The following KIF16B variants were observed in gnomAD, a reference collection of about 807,000 sequenced individuals.
The protein encoded by KIF16B is kinesin family member 16B.
KIF16B carries 98 observed loss-of-function variants against 156.3 expected under a neutral mutation model. That is an observed-to-expected ratio of 0.63 (90% CI 0.53 to 0.74). KIF16B has a LOEUF of 0.74. KIF16B is among the 30% of genes least tolerant of loss of function. KIF16B has a pLI of 0.00. For missense variants in KIF16B, 1,421 were observed against 1,606.5 expected (o/e 0.88, Z 1.97); for synonymous variants, 564 against 583.7 (o/e 0.97, Z 0.49).
At chr20:16,491,516 T>A (rs965585188) in intron 12 of KIF16B, among the ~76,000 whole-genome samples, 1 of 152,216 alleles carries the variant, frequency 6.6e-6, no homozygotes, top group African/African-American at 2.4e-5. Flanking sequence ...TACTGTCAAC[T>A]ACTTTCAAAA....
chr20:16,410,771 G>A (rs2065933456), intron 15 of KIF16B, among the ~76,000 whole-genome samples: 1 of 152,080 alleles, frequency 6.6e-6, no homozygotes, highest in African/African-American at 2.4e-5. Flanking sequence ...TAATGAACAA[G>A]TAGGAAATTC....
chr20:16,423,429 A>G (rs976026417), intron 15 of KIF16B, among the ~76,000 whole-genome samples: 9 of 152,142 alleles, frequency 5.9e-5, no homozygotes, highest in Non-Finnish European at 1.2e-4. Flanking sequence ...CAAATATGAG[A>G]AAGCACTTAC....
chr20:16,381,162 C>T (rs565054694), intron 18 of KIF16B, among the ~76,000 whole-genome samples: 1 of 152,228 alleles, frequency 6.6e-6, no homozygotes, highest in Admixed American at 6.5e-5. Flanking sequence ...TAAAGAACTG[C>T]CCAAATCAAT....
At chr20:16,305,264 A>G (rs2063525373) in intron 25 of KIF16B, among the ~76,000 whole-genome samples, 1 of 152,168 alleles carries the variant, frequency 6.6e-6, no homozygotes, top group African/African-American at 2.4e-5. Context: ...TGTGACCATG[A>G]AGGATCAAGC....
intron 1 of KIF16B, among the ~76,000 whole-genome samples, chr20:16,531,950 C>T (rs2069768372): frequency 6.6e-6 from 1 of 151,884 alleles, no homozygotes; most frequent in African/African-American, 2.4e-5. Flanking sequence ...CACCTGTAAT[C>T]CCAGTTACTT....
At chr20:16,569,384 G>C (rs990235894) in intron 1 of KIF16B, among the ~76,000 whole-genome samples, 1 of 152,200 alleles carries the variant, frequency 6.6e-6, no homozygotes, top group Non-Finnish European at 1.5e-5. Context: ...CTGGCACAGA[G>C]TCAAGTCTCA....
Position 16,506,006 on chromosome 20 carries a change from C to G in KIF16B, c.868+16G>C. Reference sequence around the variant, plus strand: ...GAGGAGGAAACAGAGGAGGCAGGAGCCAGGCGTAAGCATACCTAAGGCAGA... The same window carrying G: ...GAGGAGGAAACAGAGGAGGCAGGAGGCAGGCGTAAGCATACCTAAGGCAGA... On this transcript the variant is annotated intron_variant, in intron 8 of 25. Coordinates refer to ENST00000354981, the MANE Select transcript of KIF16B (RefSeq NM_024704.5). 6.2e-7 allele frequency: 1 copy of G among 1,613,526 alleles called. No homozygotes were observed. The highest frequency in any genetic ancestry group is 8.5e-7 in the Non-Finnish European group (1 of 1,179,522).
At chr20:16,407,511 C>T (rs1168108421) in intron 15 of KIF16B, among the ~76,000 whole-genome samples, 1 of 152,126 alleles carries the variant, frequency 6.6e-6, no homozygotes, top group Non-Finnish European at 1.5e-5. Context: ...GGACAGGCTT[C>T]TGCACCAAGG....
At chr20:16,531,645 G>A (rs573955553) in intron 1 of KIF16B, among the ~76,000 whole-genome samples, 9 of 152,312 alleles carry the variant, frequency 5.9e-5, no homozygotes, top group South Asian at 2.1e-4. Flanking sequence ...TGGGGGAATC[G>A]GTAAAATCCA....
rs4814466 is a variant in KIF16B at position 16,273,174 on chromosome 20, G to A, written c.*79C>T. The A allele has an allele frequency of 0.11, 140,608 of 1,267,014 alleles. 8,548 individuals carry two copies. Among genetic ancestry groups the A allele is most frequent in the Non-Finnish European group, 0.13 (109,996 of 877,540 alleles). The allele number at this position is 1,267,014 out of a possible 1,614,324, so 78.5% of individuals were successfully genotyped here. On this transcript the variant is annotated 3_prime_UTR_variant, in exon 26 of 26. Coordinates refer to ENST00000354981, the MANE Select transcript of KIF16B (RefSeq NM_024704.5). ...CAGGAGGAGGCAGACCCGGATCCTC[G>A]CATGGGGGAGCTGCCCTGCATCGGA...
intron 25 of KIF16B, among the ~76,000 whole-genome samples, chr20:16,291,912 A>C (rs2063320298): frequency 6.6e-6 from 1 of 152,242 alleles, no homozygotes; most frequent in African/African-American, 2.4e-5. Flanking sequence ...TGTTGCTCAC[A>C]GCATTTATTC....
chr20:16,521,181 C>T (rs2069337765), intron 3 of KIF16B, among the ~76,000 whole-genome samples: 1 of 151,982 alleles, frequency 6.6e-6, no homozygotes, highest in Non-Finnish European at 1.5e-5. Flanking sequence ...GATGAATTGG[C>T]AGAAGTAGGC....
intron 17 of KIF16B, among the ~76,000 whole-genome samples, chr20:16,400,963 T>C (rs1336032938): frequency 2.0e-5 from 3 of 152,166 alleles, no homozygotes; most frequent in African/African-American, 4.8e-5. Flanking sequence ...TTAAAAGTCA[T>C]TACCATGGGG....
At position 16,273,274 on chromosome 20, in the gene KIF16B, G is replaced by A. The variant is rs2063008690; in HGVS notation, c.3933C>T (p.Tyr1311=). 6.2e-7 allele frequency: 1 copy of A among 1,614,068 alleles called. No homozygotes were observed. Among genetic ancestry groups the A allele is most frequent in the Non-Finnish European group, 8.5e-7 (1 of 1,179,934 alleles). ...GGCTCTACCCCGTCCCGTGGCTGCT[G>A]TAGTCAAAGACTCCTTTCTTGAAGA... ...SPFFKKGVFD[Y]SSHGTG Residue 1311 remains tyrosine (Y), a synonymous_variant, in exon 26 of 26, where the codon TAC becomes TAT. Coordinates refer to ENST00000354981, the MANE Select transcript of KIF16B (RefSeq NM_024704.5).
At chr20:16,337,315 G>C (rs2064057550) in intron 23 of KIF16B, among the ~76,000 whole-genome samples, 1 of 152,192 alleles carries the variant, frequency 6.6e-6, no homozygotes, top group Non-Finnish European at 1.5e-5. Context: ...AAACAAGAAA[G>C]AGAGAAGACA....
chr20:16,554,365 G>T (rs2070771539), intron 1 of KIF16B, among the ~76,000 whole-genome samples: 1 of 152,122 alleles, frequency 6.6e-6, no homozygotes, highest in Non-Finnish European at 1.5e-5. Flanking sequence ...TCTCTGCTGA[G>T]AGCTGAACAT....
At chr20:16,570,487 C>T (rs2071414414) in intron 1 of KIF16B, among the ~76,000 whole-genome samples, 1 of 152,126 alleles carries the variant, frequency 6.6e-6, no homozygotes, top group African/African-American at 2.4e-5. Context: ...AATTGGTGCT[C>T]AGTTAATATT....
chr20:16,405,247 T>C (rs567657488), intron 16 of KIF16B, among the ~76,000 whole-genome samples: 4 of 152,108 alleles, frequency 2.6e-5, no homozygotes, highest in Non-Finnish European at 4.4e-5. Flanking sequence ...AGCAATCTCC[T>C]ATAATCAGCG....
intron 1 of KIF16B, among the ~76,000 whole-genome samples, chr20:16,566,840 AT>A (rs1253036737): frequency 6.6e-6 from 1 of 152,108 alleles, no homozygotes; most frequent in Non-Finnish European, 1.5e-5. Context: ...TCCTTTTTTT[AT>A]TTTATTTTAT....
Sources: allele counts gnomAD v4.1 joint callset (sites outside exome capture counted in the v4.1 genomes callset), GRCh38; gene constraint gnomAD v4.1.1; transcripts MANE v1.5; gene names NCBI Gene and HGNC (gene_info 2026-07-23, HGNC 2026-07-21).